The following ARL15 variants were observed in gnomAD, a reference collection of about 807,000 sequenced individuals.
The protein encoded by ARL15 is ADP-ribosylation factor-like protein 15.
In ARL15, 19 loss-of-function variants were observed where a neutral mutation model predicts 25.2. That is an observed-to-expected ratio of 0.75 (90% CI 0.53 to 1.10). The LOEUF (loss-of-function observed/expected upper bound fraction) is 1.10, where lower values mean the gene tolerates loss of function less well. Among genes scored for constraint, ARL15 ranks in the 50% least tolerant of loss-of-function variants. The pLI, the probability that ARL15 is intolerant of heterozygous loss-of-function variation, is 0.00. For missense variants in ARL15, 220 were observed against 246.0 expected, an observed-to-expected ratio of 0.89 and a Z score of 0.71; for synonymous variants, 94 against 86.8, an observed-to-expected ratio of 1.08 and a Z score of -0.46.
chr5:54,230,392 T>TGAAAA (rs373965781), intron 1 of ARL15, among the ~76,000 whole-genome samples: 2 of 127,480 alleles, frequency 1.6e-5, no homozygotes, highest in African/African-American at 2.9e-5. Context: ...AAAGAAAGAA[T>TGAAAA]GAAAAGAAAA....
intron 4 of ARL15, among the ~76,000 whole-genome samples, chr5:54,017,218 G>C (rs1275385731): frequency 6.6e-6 from 1 of 152,172 alleles, no homozygotes; most frequent in Non-Finnish European, 1.5e-5. Context: ...GCTTAGGCTT[G>C]ACATATTTCC....
At chr5:54,279,275 G>C (rs554037100) in intron 1 of ARL15, among the ~76,000 whole-genome samples, 1 of 145,584 alleles carries the variant, frequency 6.9e-6, no homozygotes, top group African/African-American at 2.5e-5. Flanking sequence ...TCTCCTCCCT[G>C]TGTTAATCTG....
At position 54,263,861 on chromosome 5, in the gene ARL15, C is replaced by T. The variant is rs150764065; in HGVS notation, c.48+46571G>A. On this transcript the variant is annotated intron_variant, in intron 1 of 4. Coordinates refer to ENST00000504924, the MANE Select transcript of ARL15 (RefSeq NM_019087.3). ...ACACATCTAGTTGCAAGATCATCTT[C>T]TTTGCTCCCCAAATTACTCCTTCTA... Among the ~76,000 whole-genome samples, 947 of 152,178 alleles carry T rather than the reference C, an allele frequency of 6.2e-3. 7 individuals are homozygous for T. The highest frequency in any genetic ancestry group is 0.022 in the African/African-American group (907 of 41,538).
chr5:54,264,337 C>G (rs1757568913), intron 1 of ARL15, among the ~76,000 whole-genome samples: 1 of 152,198 alleles, frequency 6.6e-6, no homozygotes. Context: ...CCTTATCACA[C>G]TGTTCAAACC....
At chr5:54,290,782 G>A (rs1297561126) in intron 1 of ARL15, among the ~76,000 whole-genome samples, 4 of 151,722 alleles carry the variant, frequency 2.6e-5, no homozygotes, top group Non-Finnish European at 5.9e-5. Flanking sequence ...CATTCCCTAC[G>A]TCCCATTCGT....
At chr5:54,057,342 TCAA>T in intron 4 of ARL15, among the ~76,000 whole-genome samples, 1 of 152,326 alleles carries the variant, frequency 6.6e-6, no homozygotes, top group Admixed American at 6.5e-5. Context: ...AAATAGTCCA[TCAA>T]CATGATTTTC....
chr5:54,245,442 G>A (rs1414853041), intron 1 of ARL15, among the ~76,000 whole-genome samples: 1 of 152,180 alleles, frequency 6.6e-6, no homozygotes, highest in East Asian at 1.9e-4. Context: ...ACAATCTGAT[G>A]TATTAACAAA....
chr5:54,187,424 G>T (rs1365394026), intron 1 of ARL15, among the ~76,000 whole-genome samples: 1 of 152,110 alleles, frequency 6.6e-6, no homozygotes, highest in African/African-American at 2.4e-5. Flanking sequence ...TGGTCCACTG[G>T]CCCAACAGAC....
chr5:54,016,775 G>A (rs576182721), intron 4 of ARL15, among the ~76,000 whole-genome samples: 2 of 152,214 alleles, frequency 1.3e-5, no homozygotes, highest in East Asian at 3.9e-4. Context: ...TTTACATATA[G>A]GACATTCCCT....
At chr5:54,269,753 C>T (rs1003519294) in intron 1 of ARL15, among the ~76,000 whole-genome samples, 4 of 152,202 alleles carry the variant, frequency 2.6e-5, no homozygotes, top group Non-Finnish European at 4.4e-5. Flanking sequence ...TCAAGCGATT[C>T]GCCTGCCTCA....
chr5:54,216,898 A>C (rs1756224109), intron 1 of ARL15, among the ~76,000 whole-genome samples: 1 of 152,296 alleles, frequency 6.6e-6, no homozygotes, highest in Middle Eastern at 3.4e-3. Context: ...CAGATGTTTT[A>C]TCTCTTTCTA....
At chr5:54,295,882 T>C (rs957142825) in intron 1 of ARL15, among the ~76,000 whole-genome samples, 6 of 152,224 alleles carry the variant, frequency 3.9e-5, no homozygotes, top group African/African-American at 1.4e-4. Flanking sequence ...AATCACATGC[T>C]CTGCTTCTCA....
At chr5:53,946,455 GAA>G (rs55727717) in intron 4 of ARL15, among the ~76,000 whole-genome samples, 213 of 43,924 alleles carry the variant, frequency 4.8e-3, no homozygotes, top group African/African-American at 0.018. Flanking sequence ...GTCTCAAGAG[GAA>G]AAAAAAAAAA....
At chr5:53,998,743 G>T (rs1163563972) in intron 4 of ARL15, among the ~76,000 whole-genome samples, 1 of 152,194 alleles carries the variant, frequency 6.6e-6, no homozygotes, top group African/African-American at 2.4e-5. Context: ...CTGTGTTCCA[G>T]GCACTGTACT....
At chr5:54,179,238 C>T (rs988937157) in intron 1 of ARL15, among the ~76,000 whole-genome samples, 4 of 152,064 alleles carry the variant, frequency 2.6e-5, no homozygotes, top group African/African-American at 9.7e-5. Flanking sequence ...AAAATGTACC[C>T]GAGAGCTATT....
At chr5:54,278,885 T>G (rs1017705984) in intron 1 of ARL15, among the ~76,000 whole-genome samples, 2 of 152,234 alleles carry the variant, frequency 1.3e-5, no homozygotes, top group African/African-American at 2.4e-5. Context: ...AACCTTTTAA[T>G]GGAGGCATAC....
intron 3 of ARL15, among the ~76,000 whole-genome samples, chr5:54,138,997 TAAAAAGTCAAG>T (rs1753690933): frequency 6.6e-6 from 1 of 152,126 alleles, no homozygotes; most frequent in Admixed American, 6.5e-5. Context: ...TGGCCATTAT[TAAAAAGTCAAG>T]AAAAATAGAT....
chr5:54,053,741 A>G (rs1426092373), intron 4 of ARL15, among the ~76,000 whole-genome samples: 1 of 152,188 alleles, frequency 6.6e-6, no homozygotes, highest in Admixed American at 6.5e-5. Context: ...GTACACCTCA[A>G]AACTGTCAAG....
chr5:54,299,347 A>G (rs1758552766), intron 1 of ARL15, among the ~76,000 whole-genome samples: 1 of 152,186 alleles, frequency 6.6e-6, no homozygotes, highest in South Asian at 2.1e-4. Flanking sequence ...CTATGGCTTC[A>G]GCTACCATCT....
Sources: allele counts gnomAD v4.1 joint callset (sites outside exome capture counted in the v4.1 genomes callset), GRCh38; gene constraint gnomAD v4.1.1; transcripts MANE v1.5; gene names NCBI Gene and HGNC (gene_info 2026-07-23, HGNC 2026-07-21).